PDE11A: variants seen among roughly 807,000 people sequenced by gnomAD.
PDE11A encodes the protein phosphodiesterase 11A, also known as dual 3',5'-cyclic-AMP and -GMP phosphodiesterase 11A.
In PDE11A, 100 loss-of-function variants were observed where a neutral mutation model predicts 100.5. That is an observed-to-expected ratio of 1.00 (90% CI 0.85 to 1.18). The LOEUF is 1.18. PDE11A is among the 50% of genes most tolerant of loss of function. The pLI, the probability that PDE11A is intolerant of heterozygous loss-of-function variation, is 0.00. For missense variants in PDE11A, 1,141 were observed against 1,152.6 expected (o/e 0.99, Z 0.15); for synonymous variants, 381 against 420.8 (o/e 0.91, Z 1.16).
chr2:177,698,496 T>C (rs1291887197), intron 14 of PDE11A: 1 of 152,124 alleles, frequency 6.6e-6, no homozygotes, highest in East Asian at 1.9e-4. Context: ...TTAAATCTCG[T>C]GTTGAGAGCC....
At chr2:177,898,016 A>T (rs767927129) in intron 4 of PDE11A, 42 bp downstream of exon 4, 1 of 1,499,048 alleles carries the variant, frequency 6.7e-7, no homozygotes, top group South Asian at 1.1e-5. Context: ...ACTTTATTCC[A>T]TTCACACAGT....
chr2:177,713,453 G>A (rs543047788), intron 12 of PDE11A, among the ~76,000 whole-genome samples: 4 of 152,072 alleles, frequency 2.6e-5, no homozygotes, highest in Non-Finnish European at 5.9e-5. Flanking sequence ...GGCCAGGCAC[G>A]GTGGCTCAAA....
intron 9 of PDE11A, among the ~76,000 whole-genome samples, chr2:177,778,527 G>C (rs772696854): frequency 1.3e-5 from 2 of 152,190 alleles, no homozygotes; most frequent in Non-Finnish European, 2.9e-5. Context: ...CTTGGTAAAG[G>C]CTGGATGGCC....
chr2:177,723,055 T>G (rs184889053), intron 12 of PDE11A: 83 of 152,288 alleles, frequency 5.5e-4, no homozygotes, highest in African/African-American at 1.7e-3. Flanking sequence ...ATATTTTATT[T>G]AAAATTTCAA....
At chr2:177,780,915 C>T (rs370821967) in intron 9 of PDE11A, among the ~76,000 whole-genome samples, 1 of 152,316 alleles carries the variant, frequency 6.6e-6, no homozygotes, top group South Asian at 2.1e-4. Flanking sequence ...GTTTCACTTT[C>T]TTATTATTCA....
intron 19 of PDE11A, among the ~76,000 whole-genome samples, chr2:177,630,264 T>G (rs1253637234): frequency 6.6e-6 from 1 of 152,202 alleles, no homozygotes; most frequent in Non-Finnish European, 1.5e-5. Flanking sequence ...TCCTCACTTG[T>G]GCCAGACCCT....
At chr2:177,997,299 T>C (rs1559036724) in intron 2 of PDE11A, 1 of 985,532 alleles carries the variant, frequency 1.0e-6, no homozygotes, top group Non-Finnish European at 1.6e-6. Flanking sequence ...AAATTGCTGC[T>C]ATATTTCTCA....
chr2:178,056,955 A>T (rs2086907358), intron 1 of PDE11A, among the ~76,000 whole-genome samples: 1 of 152,154 alleles, frequency 6.6e-6, no homozygotes, highest in African/African-American at 2.4e-5. Flanking sequence ...ATTACACAAA[A>T]GGAACGGCAG....
chr2:177,817,791 A>G, intron 8 of PDE11A, 67 bp downstream of exon 8: 1 of 778,394 alleles, frequency 1.3e-6, no homozygotes. Context: ...TTGTCTTTCA[A>G]ATTTGGGCAA....
chr2:177,737,586 G>C (rs1303268211), intron 10 of PDE11A, among the ~76,000 whole-genome samples: 1 of 76,058 alleles, frequency 1.3e-5, no homozygotes, highest in African/African-American at 3.0e-5. Flanking sequence ...GGGCGACTCT[G>C]TCTCAAAAAA....
chr2:177,847,877 G>T (rs182823561), intron 5 of PDE11A, among the ~76,000 whole-genome samples: 5 of 152,208 alleles, frequency 3.3e-5, no homozygotes, highest in Admixed American at 3.3e-4. Flanking sequence ...GCAGGGCTGG[G>T]ATGCCCATTC....
chr2:178,085,454 C>T (rs2087337756), intron 2 of PDE11A, among the ~76,000 whole-genome samples: 1 of 152,116 alleles, frequency 6.6e-6, no homozygotes, highest in African/African-American at 2.4e-5. Flanking sequence ...GTGATGGCAT[C>T]CATACTCCAA....
At position 177,820,485 on chromosome 2, in the gene PDE11A, T is replaced by C. The variant is rs1288362128; in HGVS notation, c.1501-190A>G. 4.6e-5 allele frequency among the ~76,000 whole-genome samples: 7 copies of C among 152,080 alleles called. 1 individual carries two copies. The highest frequency in any genetic ancestry group is 1.4e-4 in the African/African-American group (6 of 41,538). ...CATCACAATGAACATCCTAAAGGAATCAAACCCAAGCCAAATATGAATCAA... is the reference window on the plus strand; with the variant it reads ...CATCACAATGAACATCCTAAAGGAACCAAACCCAAGCCAAATATGAATCAA... On this transcript the variant is annotated intron_variant, in intron 6 of 19. Transcript: ENST00000286063.
chr2:177,862,945 A>G (rs1441236895), intron 5 of PDE11A, among the ~76,000 whole-genome samples: 1 of 152,006 alleles, frequency 6.6e-6, no homozygotes, highest in African/African-American at 2.4e-5. Flanking sequence ...TTACAAAGCT[A>G]TAGTAATAAA....
At chr2:178,082,420 C>T (rs1239041494) in intron 2 of PDE11A, among the ~76,000 whole-genome samples, 1 of 152,120 alleles carries the variant, frequency 6.6e-6, no homozygotes, top group Admixed American at 6.5e-5. Flanking sequence ...CATATGTCAA[C>T]TAAAAAATGC....
intron 9 of PDE11A, among the ~76,000 whole-genome samples, chr2:177,774,660 T>C (rs2082355018): frequency 6.6e-6 from 1 of 152,242 alleles, no homozygotes; most frequent in African/African-American, 2.4e-5. Context: ...CATCGTTGTG[T>C]TGATAACTTT....
At chr2:177,823,514 C>A (rs2083177149) in intron 6 of PDE11A, among the ~76,000 whole-genome samples, 1 of 152,132 alleles carries the variant, frequency 6.6e-6, no homozygotes, top group South Asian at 2.1e-4. Context: ...TTTACAACCA[C>A]CCCATGAAGT....
chr2:178,099,446 G>GAAAA (rs201692711), intron 2 of PDE11A, among the ~76,000 whole-genome samples: 12 of 84,554 alleles, frequency 1.4e-4, no homozygotes, highest in South Asian at 4.1e-4. Flanking sequence ...CATCTCAAGA[G>GAAAA]AAAAAAAAAA....
At chr2:178,081,154 A>G (rs186188504) in intron 2 of PDE11A, among the ~76,000 whole-genome samples, 143 of 152,342 alleles carry the variant, frequency 9.4e-4, no homozygotes, top group African/African-American at 3.2e-3. Context: ...TTATAAAAAC[A>G]GCTAATGAAT....
Sources: gnomAD v4.1 joint callset for allele counts (sites outside exome capture counted in the v4.1 genomes callset) on GRCh38, gnomAD v4.1.1 for gene constraint, MANE v1.5 for transcripts, NCBI Gene and HGNC (gene_info 2026-07-23, HGNC 2026-07-21) for gene names.